The following CHD1L variants were observed in gnomAD, a reference collection of about 807,000 sequenced individuals.
The protein encoded by CHD1L is ATP-dependent chromatin remodeler CHD1L.
Under a neutral mutation model 115.9 loss-of-function variants are expected in CHD1L, and 118 were observed. The observed-to-expected ratio is 1.02, with a 90% CI of 0.88 to 1.19. The LOEUF (loss-of-function observed/expected upper bound fraction) is 1.19, where lower values mean the gene tolerates loss of function less well. Ranked by LOEUF, CHD1L falls within the 50% of genes most tolerant of loss-of-function variation. The probability of loss-of-function intolerance (pLI) is 0.00; values close to 1 mark genes in which losing one functional copy is unlikely to be tolerated. For synonymous variants in CHD1L, 411 were observed against 387.1 expected (o/e 1.06, Z -0.72); for missense variants, 1,179 against 1,065.3 (o/e 1.11, Z -1.49).
the CHD1L span, chr1:147,179,191 A>G: frequency 1.2e-6 from 2 of 1,614,162 alleles, no homozygotes; most frequent in East Asian, 4.5e-5. Context: ...CTTTGATGGC[A>G]ATCTGAAGAG....
Position 147,276,199 on chromosome 1 carries a change from T to C in CHD1L, c.1481T>C (p.Ile494Thr), listed in dbSNP as rs782394217. 5 of 1,614,052 alleles carry C rather than the reference T, an allele frequency of 3.1e-6. No individual in the cohort carries two copies. The highest frequency in any genetic ancestry group is 1.3e-5 in the African/African-American group (1 of 74,922). The change falls in exon 14 of 23, where the codon ATA becomes ACA. Residue 494 changes from isoleucine to threonine, a missense_variant. Physicochemically the swap from Ile to Thr is moderately conservative, Grantham distance 89. Transcript: ENST00000369258. ...ASKLQLTNMI[I>T]EGGHFTLGAQ... ...AAACTGCAGCTCACCAACATGATCA[T>C]AGAAGGAGGCCATTTTACTCTGGGA...
At chr1:147,249,176 AT>A (rs1156473790) in intron 1 of CHD1L, among the ~76,000 whole-genome samples, 1 of 151,678 alleles carries the variant, frequency 6.6e-6, no homozygotes, top group Non-Finnish European at 1.5e-5. Context: ...CCTGAATACC[AT>A]TTTTCTTGAT....
the CHD1L span, chr1:147,208,962 A>T: frequency 1.2e-6 from 2 of 1,613,978 alleles, no homozygotes; most frequent in African/African-American, 2.7e-5. Flanking sequence ...TAAAATGTGT[A>T]AGTCGAGAAG....
chr1:147,220,996 G>C, the CHD1L span, among the ~76,000 whole-genome samples: 5 of 149,892 alleles, frequency 3.3e-5, no homozygotes, highest in Non-Finnish European at 5.9e-5. Flanking sequence ...ACCCTTGATG[G>C]GAGGTGAGGA....
chr1:147,184,732 G>A, the CHD1L span: 1 of 1,287,410 alleles, frequency 7.8e-7, no homozygotes, highest in African/African-American at 1.5e-5. The surrounding 1 kb of genome is among the most constrained non-coding windows in gnomAD (Gnocchi z 4.4). Context: ...ATTACTGTTA[G>A]TGTTAATCTT....
chr1:147,199,229 A>G, the CHD1L span, among the ~76,000 whole-genome samples: 2 of 144,472 alleles, frequency 1.4e-5, no homozygotes, highest in African/African-American at 4.9e-5. Context: ...TTGGGCAGAC[A>G]TGAAAAAAAT....
At chr1:147,177,790 A>G in the CHD1L span, among the ~76,000 whole-genome samples, 1 of 152,216 alleles carries the variant, frequency 6.6e-6, no homozygotes, top group Admixed American at 6.5e-5. Flanking sequence ...GAGCCTGGTG[A>G]TGACTAAATG....
the CHD1L span, among the ~76,000 whole-genome samples, chr1:147,237,302 TCTGCAG>T: frequency 3.3e-5 from 5 of 152,160 alleles, no homozygotes; most frequent in East Asian, 9.7e-4. Flanking sequence ...GATGCCCAGG[TCTGCAG>T]CTGTGGTTTG....
At chr1:147,276,474 G>C (rs924384273) in intron 14 of CHD1L, among the ~76,000 whole-genome samples, 2 of 152,160 alleles carry the variant, frequency 1.3e-5, no homozygotes, top group African/African-American at 2.4e-5. Flanking sequence ...GGTTTGAGCG[G>C]CTTTCTTAAC....
chr1:147,284,397 C>T lies in CHD1L; in HGVS notation c.1752C>T (p.Pro584=), dbSNP rs1682219080. The T allele has an allele frequency of 6.2e-7, 1 of 1,606,052 alleles. No homozygotes were observed. The highest frequency in any genetic ancestry group is 1.7e-5 in the Admixed American group (1 of 59,090). The change falls in exon 16 of 23, where the codon CCC becomes CCT. Residue 584 remains proline (P), a synonymous_variant. Transcript: ENST00000369258. The stretch of plus-strand genomic sequence containing the variant: ...AAGGTAAAGATTATTCTAAAGAGCC[C>T]AGTAAGGAAGACAGAAAATCATTTG... ...LFEGKDYSKE[P]SKEDRKSFEQ...
At chr1:147,212,982 A>G in the CHD1L span, among the ~76,000 whole-genome samples, 4 of 152,132 alleles carry the variant, frequency 2.6e-5, no homozygotes, top group South Asian at 6.2e-4. Flanking sequence ...TAGAAACTCA[A>G]TATTTGTGTT....
chr1:147,226,074 G>A, the CHD1L span, among the ~76,000 whole-genome samples: 1 of 150,572 alleles, frequency 6.6e-6, no homozygotes, highest in Non-Finnish European at 1.5e-5. Flanking sequence ...AGGGCCGGGT[G>A]GTGGTGCCAA....
the CHD1L span, chr1:147,212,286 A>G: frequency 1.7e-6 from 2 of 1,153,414 alleles, no homozygotes; most frequent in African/African-American, 1.5e-5. Context: ...CTGGCACTGA[A>G]GGGCTATGTG....
At chr1:147,286,189 AT>A in intron 17 of CHD1L, 108 bp from the exon 18 acceptor site, 2 of 1,075,462 alleles carry the variant, frequency 1.9e-6, no homozygotes, top group Non-Finnish European at 2.7e-6. Context: ...TGAGTTTCTA[AT>A]TGCATTTCTA....
chr1:147,244,547 C>T (rs938721258), intron 1 of CHD1L, among the ~76,000 whole-genome samples: 4 of 151,892 alleles, frequency 2.6e-5, no homozygotes, highest in South Asian at 4.1e-4. Context: ...AGGGAAATAG[C>T]CTATGCATAA....
the CHD1L span, chr1:147,224,944 G>T: frequency 6.2e-7 from 1 of 1,614,064 alleles, no homozygotes; most frequent in Non-Finnish European, 8.5e-7. Flanking sequence ...AAAGCAGACA[G>T]GTTCCAAGCC....
intron 7 of CHD1L, among the ~76,000 whole-genome samples, chr1:147,265,121 C>T (rs1301295339): frequency 1.3e-5 from 2 of 150,538 alleles, no homozygotes; most frequent in African/African-American, 4.9e-5. Flanking sequence ...GTGATATTAT[C>T]CTGGGATGAT....
chr1:147,174,173 G>GA, the CHD1L span, among the ~76,000 whole-genome samples: 96 of 147,794 alleles, frequency 6.5e-4, no homozygotes, highest in African/African-American at 2.2e-3. Context: ...TTTACAGGAA[G>GA]AAAAAAAAAA....
At chr1:147,264,727 T>C in intron 7 of CHD1L, 143 bp downstream of exon 7, 4 of 769,904 alleles carry the variant, frequency 5.2e-6, no homozygotes, top group Admixed American at 2.9e-5. Flanking sequence ...ATTAGGGAGA[T>C]GTTAAGTCAC....
Sources: allele counts gnomAD v4.1 joint callset (sites outside exome capture counted in the v4.1 genomes callset), GRCh38; gene constraint gnomAD v4.1.1; non-coding constraint Gnocchi (gnomAD v3.1); transcripts MANE v1.5; gene names NCBI Gene and HGNC (gene_info 2026-07-23, HGNC 2026-07-21).